Variants in DDX47 observed in about 807,000 individuals in gnomAD.
The protein encoded by DDX47 is DEAD-box helicase 47.
DDX47 carries 60 observed loss-of-function variants against 58.8 expected under a neutral mutation model. The ratio of observed to expected loss-of-function variants is 1.02; its 90% confidence interval spans 0.83 to 1.26. The LOEUF (loss-of-function observed/expected upper bound fraction) is 1.26. Among genes scored for constraint, DDX47 ranks in the 50% most tolerant of loss-of-function variants. DDX47 has a pLI of 0.00. For missense variants in DDX47, 530 were observed against 573.2 expected (o/e 0.92, Z 0.77); for synonymous variants, 197 against 204.6 (o/e 0.96, Z 0.32).
chr12:12,821,390 C>CTCCAAT lies in DDX47; in HGVS notation c.364_365insTCCAAT (p.Gln122delinsLeuGlnTer), dbSNP rs1164314119. On this transcript the variant is annotated stop_gained and protein_altering_variant, in exon 3 of 12. Coordinates refer to ENST00000358007, the MANE Select transcript of DDX47 (RefSeq NM_016355.4). LOFTEE classifies it high-confidence loss of function. The stretch of plus-strand genomic sequence containing the variant: ...AGCCCTGGGGTCCTCTATTGGAGTG[C>CTCCAAT]AGAGTGGTAAGTGTCTGAGAGGGAA... 1.5e-5 allele frequency: 25 copies of CTCCAAT among 1,614,036 alleles called. No individual in the cohort carries two copies. The highest frequency in any genetic ancestry group is 2.1e-5 in the Non-Finnish European group (25 of 1,180,038).
intron 2 of DDX47, among the ~76,000 whole-genome samples, chr12:12,817,343 A>C (rs192640018): frequency 6.6e-6 from 1 of 152,324 alleles, no homozygotes; most frequent in Admixed American, 6.5e-5. Flanking sequence ...CTAGAGCCTG[A>C]ATTTGAACAT....
In DDX47 at chr12:12,824,329, G is replaced by A. The variant is rs776918397; in HGVS notation, c.898-211G>A. On this transcript the variant is annotated intron_variant, in intron 8 of 11. Coordinates refer to ENST00000358007, the MANE Select transcript of DDX47 (RefSeq NM_016355.4). ...ATTATTTCCCAGTTACCTTTCTATC[G>A]TGTCAAACTACCCTTATTTTGTATC... 6.7e-5 allele frequency: 38 copies of A among 565,858 alleles called. No homozygotes were observed. The Middle Eastern group carries it at 1.4e-3, about 20-fold the overall frequency. The allele number at this position is 565,858 out of a possible 1,614,324, so 35.1% of individuals were successfully genotyped here.
At chr12:12,827,873 T>C (rs1565448858) in intron 11 of DDX47, among the ~76,000 whole-genome samples, 1 of 139,566 alleles carries the variant, frequency 7.2e-6, no homozygotes, top group Non-Finnish European at 1.5e-5. Flanking sequence ...ACTTTTCTTT[T>C]TTCTTTTTTT....
rs1863049437 is a variant in DDX47, at chr12:12,826,165, A to AATC, written c.1106+97_1106+99dup. 3 of 962,176 alleles carry AATC rather than the reference A, an allele frequency of 3.1e-6. No homozygotes were observed. In the East Asian group the frequency reaches 8.0e-5, roughly 26 times the overall value. The allele number at this position is 962,176 out of a possible 1,614,324, so 59.6% of individuals were successfully genotyped here. A position where few individuals can be genotyped will look rare whatever the true frequency, so the allele number is the denominator to read the frequency against. On this transcript the variant is annotated intron_variant, in intron 10 of 11. Transcript: ENST00000358007. Reference sequence around the variant, plus strand: ...ACCTGACACTACCATTTACTACACTAATCACTTTCATACTGAAAACCAGGA... The same window carrying AATC: ...ACCTGACACTACCATTTACTACACTAATCATCACTTTCATACTGAAAACCAGGA...
chr12:12,824,055 C>G, intron 8 of DDX47, 39 bp downstream of exon 8: 1 of 1,596,606 alleles, frequency 6.3e-7, no homozygotes, highest in Non-Finnish European at 8.5e-7. Context: ...GCACTGGTGG[C>G]GTGAGCGAGA....
At chr12:12,827,221 G>A in intron 10 of DDX47, 25 bp from the exon 11 acceptor site, 1 of 1,611,510 alleles carries the variant, frequency 6.2e-7, no homozygotes, top group Non-Finnish European at 8.5e-7. Flanking sequence ...CAGGCAACCA[G>A]AGCTGTGCAG....
chr12:12,814,322 T>C, intron 2 of DDX47, 98 bp downstream of exon 2: 1 of 801,922 alleles, frequency 1.2e-6, no homozygotes, highest in Non-Finnish European at 2.2e-6. Flanking sequence ...GAAATAAGGA[T>C]ATGGTCACTA....
Position 12,826,087 on chromosome 12 carries a change from T to C in DDX47, c.1106+17T>C, listed in dbSNP as rs1370585197. On this transcript the variant is annotated intron_variant, in intron 10 of 11. Transcript: ENST00000358007. The stretch of plus-strand genomic sequence containing the variant: ...TGTCACACAGTAAGTAAATCAGCTT[T>C]AGGGCCGAGCAATGTAGAGAAAAGA... 4 of 1,610,454 alleles carry C rather than the reference T, an allele frequency of 2.5e-6. No homozygotes were observed. In the East Asian group the frequency reaches 6.7e-5, roughly 27 times the overall value.
chr12:12,818,511 ACT>A (rs1022605198), intron 2 of DDX47, among the ~76,000 whole-genome samples: 2 of 149,612 alleles, frequency 1.3e-5, no homozygotes, highest in Non-Finnish European at 3.0e-5. Context: ...ACAGAGCAAG[ACT>A]CTGTCTAAAA....
At chr12:12,828,701 A>T (rs938194337) in intron 11 of DDX47, among the ~76,000 whole-genome samples, 1 of 152,222 alleles carries the variant, frequency 6.6e-6, no homozygotes, top group Non-Finnish European at 1.5e-5. Context: ...ATTGGGAAAA[A>T]AATTCAAAAA....
chr12:12,823,181 A>G (rs771958901), intron 6 of DDX47, 22 bp from the exon 7 acceptor site: 6 of 1,476,080 alleles, frequency 4.1e-6, no homozygotes, highest in South Asian at 1.1e-5. Flanking sequence ...TCAGTGTGCT[A>G]TTCTGGATCT....
chr12:12,817,832 C>A (rs1862918655), intron 2 of DDX47, among the ~76,000 whole-genome samples: 1 of 152,190 alleles, frequency 6.6e-6, no homozygotes, highest in Admixed American at 6.5e-5. Context: ...TACTAAAAAA[C>A]TGAAAGCAGT....
In DDX47 at chr12:12,821,658, T is replaced by TA; in HGVS notation, c.374_375insA (p.Ile126AspfsTer6). ...TATGTTCTTTTTTTCTCTGTAGCTG[T>TA]GATTGTAGGTGGAATTGATTCAATG... is the stretch of plus-strand genomic sequence containing the variant. On this transcript the variant is annotated frameshift_variant, in exon 4 of 12. Coordinates refer to ENST00000358007, the MANE Select transcript of DDX47 (RefSeq NM_016355.4). LOFTEE classifies it high-confidence loss of function. 6.2e-7 allele frequency: 1 copy of TA among 1,613,918 alleles called. No homozygotes were observed. The highest frequency in any genetic ancestry group is 2.2e-5 in the East Asian group (1 of 44,866).
intron 11 of DDX47, among the ~76,000 whole-genome samples, chr12:12,828,414 A>G (rs552835151): frequency 2.0e-5 from 3 of 152,326 alleles, no homozygotes; most frequent in Non-Finnish European, 2.9e-5. Flanking sequence ...TGTATCTGCA[A>G]ATATTCTAGA....
intron 2 of DDX47, among the ~76,000 whole-genome samples, chr12:12,815,665 G>A (rs1276566199): frequency 1.3e-5 from 2 of 152,138 alleles, no homozygotes; most frequent in Admixed American, 1.3e-4. Flanking sequence ...TCTAGGCATA[G>A]GGAACAGCAT....
At position 12,814,126 on chromosome 12, in the gene DDX47, C is replaced by T. The variant is rs368104319; in HGVS notation, c.88-5C>T. On this transcript the variant is annotated splice_region_variant and splice_polypyrimidine_tract_variant and intron_variant, in intron 1 of 11. Coordinates refer to ENST00000358007, the MANE Select transcript of DDX47 (RefSeq NM_016355.4). The stretch of plus-strand genomic sequence containing the variant: ...TGGCTAAGGTATATTTTTCTGAATT[C>T]CAAGGGTGTGACAGATGTGTTGTGT... 2.6e-5 allele frequency: 42 copies of T among 1,608,514 alleles called. No individual in the cohort carries two copies. In the African/African-American group the frequency reaches 4.0e-4, roughly 15 times the overall value.
Position 12,813,425 on chromosome 12 carries a change from G to A in DDX47, c.58G>A (p.Glu20Lys), listed in dbSNP as rs2136416434. The A allele has an allele frequency of 1.2e-6, 2 of 1,613,038 alleles. No individual in the cohort carries two copies. The highest frequency in any genetic ancestry group is 1.7e-6 in the Non-Finnish European group (2 of 1,179,504). The change falls in exon 1 of 12, where the codon GAG becomes AAG. Residue 20 changes from glutamate to lysine, a missense_variant. By Grantham distance (56) the Glu-to-Lys change is moderately conservative (BLOSUM62 1). Coordinates refer to ENST00000358007, the MANE Select transcript of DDX47 (RefSeq NM_016355.4). ...PTEASQPIVE[E>K]EETKTFKDLG... is the part of the protein sequence containing the mutation. Reference sequence around the variant, plus strand: ...CGAAGCGTCCCAGCCGATTGTGGAAGAGGAGGAAACTAAAACATTTAAAGA... The same window carrying A: ...CGAAGCGTCCCAGCCGATTGTGGAAAAGGAGGAAACTAAAACATTTAAAGA...
rs1271077828 is a variant in DDX47, at chr12:12,815,493, A to C, written c.181+1269A>C. ...AGGGACCTAAGAAAGTTACATTCAGAGTGCACTGAGGGAGAAGAGATTACT... is the reference window on the plus strand; with the variant it reads ...AGGGACCTAAGAAAGTTACATTCAGCGTGCACTGAGGGAGAAGAGATTACT... On this transcript the variant is annotated intron_variant, in intron 2 of 11. Transcript: ENST00000358007. Among the ~76,000 whole-genome samples, 3 of 152,330 alleles carry C rather than the reference A, an allele frequency of 2.0e-5. No homozygotes were observed. The East Asian group carries it at 5.8e-4, about 29-fold the overall frequency.
rs1442947271 is a variant in DDX47, at chr12:12,824,033, A to G, written c.897+17A>G. The G allele has an allele frequency of 1.2e-6, 2 of 1,611,722 alleles. No homozygotes were observed. The highest frequency in any genetic ancestry group is 1.7e-4 in the Middle Eastern group (1 of 6,050). Reference sequence around the variant, plus strand: ...ATGAGTCAGGTAAGGATTCATCATCATCATCAGCCATGCACTGGTGGCGTG... The same window carrying G: ...ATGAGTCAGGTAAGGATTCATCATCGTCATCAGCCATGCACTGGTGGCGTG... On this transcript the variant is annotated intron_variant, in intron 8 of 11. Transcript: ENST00000358007.
Sources: gnomAD v4.1 joint callset for allele counts (sites outside exome capture counted in the v4.1 genomes callset) on GRCh38, gnomAD v4.1.1 for gene constraint, MANE v1.5 for transcripts, NCBI Gene and HGNC (gene_info 2026-07-23, HGNC 2026-07-21) for gene names.